FLT3: variants seen among roughly 807,000 people sequenced by gnomAD.
FLT3 encodes the protein receptor-type tyrosine-protein kinase FLT3.
A neutral mutation model predicts 126.6 loss-of-function variants in FLT3; 46 were observed. The ratio of observed to expected loss-of-function variants is 0.36; its 90% CI spans 0.29 to 0.46. FLT3 has a LOEUF of 0.46. Ranked by LOEUF, FLT3 falls within the 20% of genes least tolerant of loss-of-function variation. The pLI, the probability that FLT3 is intolerant of heterozygous loss-of-function variation, is 1.00. For missense variants in FLT3, 1,069 were observed against 1,190.3 expected, an observed-to-expected ratio of 0.90 and a Z score of 1.50; for synonymous variants, 404 against 434.4, an observed-to-expected ratio of 0.93 and a Z score of 0.87.
intron 3 of FLT3, among the ~76,000 whole-genome samples, chr13:28,059,440 C>T (rs1876339303): frequency 6.6e-6 from 1 of 152,154 alleles, no homozygotes; most frequent in Non-Finnish European, 1.5e-5. Flanking sequence ...CAGCAATCAG[C>T]ATAGAGCTAT....
Position 28,050,094 on chromosome 13 carries a change from C to A in FLT3, c.742+1G>T, listed in dbSNP as rs1214984827. On this transcript the variant is annotated splice_donor_variant, in intron 6 of 23. Transcript: ENST00000241453. LOFTEE classifies it high-confidence loss of function. ...GAAAGTGCATGATATTATAGTGTTA[C>A]CTATTGTGAACAGCCTGGTGCATTC... 1 of 1,613,984 alleles carries A rather than the reference C, an allele frequency of 6.2e-7. No individual in the cohort carries two copies. The highest frequency in any genetic ancestry group is 8.5e-7 in the Non-Finnish European group (1 of 1,179,942).
intron 1 of FLT3, among the ~76,000 whole-genome samples, chr13:28,096,815 T>C (rs1398627981): frequency 6.6e-6 from 1 of 152,152 alleles, no homozygotes; most frequent in Non-Finnish European, 1.5e-5. Flanking sequence ...ACTGAAATAC[T>C]TTTCCTGGGG....
intron 2 of FLT3, among the ~76,000 whole-genome samples, chr13:28,063,723 A>G (rs1363367814): frequency 5.9e-5 from 8 of 135,146 alleles, no homozygotes; most frequent in Admixed American, 1.7e-4. Context: ...CCATCTGCTG[A>G]GTACTATGAG....
At chr13:28,014,346 A>G in intron 23 of FLT3, 106 bp downstream of exon 23, 1 of 780,464 alleles carries the variant, frequency 1.3e-6, no homozygotes, top group South Asian at 1.6e-5. Context: ...AAAAACTGCA[A>G]TGAGAATGAC....
chr13:28,074,609 A>C (rs1018743099), intron 1 of FLT3, among the ~76,000 whole-genome samples: 3 of 151,914 alleles, frequency 2.0e-5, no homozygotes, highest in African/African-American at 4.8e-5. Context: ...CTTTCTAATA[A>C]GTGTGTTGTA....
chr13:28,032,398 AT>A (rs1873423387), intron 15 of FLT3, among the ~76,000 whole-genome samples: 2 of 152,210 alleles, frequency 1.3e-5, no homozygotes, highest in South Asian at 2.1e-4. Context: ...GGGATGCCCC[AT>A]AAAAAGCTGG....
intron 9 of FLT3, among the ~76,000 whole-genome samples, chr13:28,043,674 C>T (rs931047196): frequency 6.6e-6 from 1 of 152,170 alleles, no homozygotes; most frequent in African/African-American, 2.4e-5. Flanking sequence ...AAATTTGAAA[C>T]TTTCTATAAT....
chr13:28,007,395 C>T (rs55827368), intron 23 of FLT3, among the ~76,000 whole-genome samples: 2,057 of 152,050 alleles, frequency 0.014, 40 homozygotes, highest in African/African-American at 0.045. Context: ...TACTGGTGTG[C>T]GCCACTACAC....
chr13:28,078,124 G>T (rs547739776), intron 1 of FLT3, among the ~76,000 whole-genome samples: 26 of 152,270 alleles, frequency 1.7e-4, no homozygotes, highest in African/African-American at 6.0e-4. Flanking sequence ...AGCTGTCAAT[G>T]GATCTACCAT....
chr13:28,090,624 A>G (rs1593307379), intron 1 of FLT3, among the ~76,000 whole-genome samples: 1 of 152,082 alleles, frequency 6.6e-6, no homozygotes, highest in Non-Finnish European at 1.5e-5. Context: ...CCAAAAATAC[A>G]AAAACTACCC....
intron 1 of FLT3, among the ~76,000 whole-genome samples, chr13:28,092,673 A>G (rs1879191139): frequency 6.6e-6 from 1 of 151,912 alleles, no homozygotes; most frequent in Admixed American, 6.6e-5. Flanking sequence ...TTGGCCCCAT[A>G]TTCATCCTCT....
intron 19 of FLT3, among the ~76,000 whole-genome samples, chr13:28,022,348 T>C (rs1010177055): frequency 2.6e-5 from 4 of 151,838 alleles, no homozygotes; most frequent in Non-Finnish European, 5.9e-5. Context: ...CCCATCTCTA[T>C]TAAAATACAA....
At chr13:28,046,702 C>T (rs912297466) in intron 9 of FLT3, among the ~76,000 whole-genome samples, 1 of 152,006 alleles carries the variant, frequency 6.6e-6, no homozygotes, top group African/African-American at 2.4e-5. Flanking sequence ...CTCAATCAAT[C>T]CTCCAACCTC....
chr13:28,057,239 GA>G (rs947248918), intron 4 of FLT3, 107 bp downstream of exon 4: 3 of 689,050 alleles, frequency 4.4e-6, no homozygotes, highest in African/African-American at 3.6e-5. Flanking sequence ...CGTATCAAGG[GA>G]AACCTGAATA....
Position 28,035,676 on chromosome 13 carries a change from G to GAA in FLT3, c.1419-5_1419-4dup. ...CTTCTGTGATCTCTTCTGTGCAGCT[G>GAA]AAAAAAAAAATAGCAAAGAATTTAG... On this transcript the variant is annotated splice_region_variant and splice_polypyrimidine_tract_variant and intron_variant, in intron 11 of 23. Transcript: ENST00000241453. The GAA allele has an allele frequency of 1.4e-6, 2 of 1,386,076 alleles. No individual in the cohort carries two copies. The highest frequency in any genetic ancestry group is 2.7e-5 in the South Asian group (2 of 74,408). The allele number at this position is 1,386,076 out of a possible 1,614,324, so 85.9% of individuals were successfully genotyped here.
At position 28,088,310 on chromosome 13, in the gene FLT3, C is replaced by T. The variant is rs183238745; in HGVS notation, c.43+12158G>A. 4.0e-5 allele frequency among the ~76,000 whole-genome samples: 6 copies of T among 150,866 alleles called. No individual in the cohort carries two copies. In the South Asian group the frequency reaches 6.3e-4, roughly 16 times the overall value. On this transcript the variant is annotated intron_variant, in intron 1 of 23. Transcript: ENST00000241453. ...AAACATTCTTTTTTTTTTTTTAAGACGGAGTCTCACTCTGTTGCCCAGGCT... is the reference window on the plus strand; with the variant it reads ...AAACATTCTTTTTTTTTTTTTAAGATGGAGTCTCACTCTGTTGCCCAGGCT...
intron 1 of FLT3, among the ~76,000 whole-genome samples, chr13:28,088,020 T>C (rs7319630): frequency 0.71 from 108,266 of 152,114 alleles, 40,262 homozygotes; most frequent in East Asian, 0.95. Context: ...CTCCTTAAGT[T>C]AAATATTTCT....
intron 17 of FLT3, chr13:28,025,505 A>G: frequency 3.1e-6 from 1 of 321,844 alleles, no homozygotes; most frequent in Non-Finnish European, 6.1e-6. Flanking sequence ...TTATAAGTAG[A>G]TCACGATTCA....
At chr13:28,062,889 T>C (rs1876698102) in intron 2 of FLT3, among the ~76,000 whole-genome samples, 1 of 152,208 alleles carries the variant, frequency 6.6e-6, no homozygotes. Flanking sequence ...CCAACCCTGC[T>C]GACATCTTAA....
Sources: allele counts gnomAD v4.1 joint callset (sites outside exome capture counted in the v4.1 genomes callset), GRCh38; gene constraint gnomAD v4.1.1; transcripts MANE v1.5; gene names NCBI Gene and HGNC (gene_info 2026-07-23, HGNC 2026-07-21).